The following ACTN4 variants were observed in gnomAD, a reference collection of about 807,000 sequenced individuals.
The protein encoded by ACTN4 is alpha-actinin-4.
Under a neutral mutation model 114.2 loss-of-function variants are expected in ACTN4, and 18 were observed. The ratio of observed to expected loss-of-function variants is 0.16; its 90% CI spans 0.11 to 0.23. The LOEUF (loss-of-function observed/expected upper bound fraction) is 0.23, where lower values mean the gene tolerates loss of function less well. Among genes scored for constraint, ACTN4 ranks in the 10% least tolerant of loss-of-function variants. ACTN4 has a pLI of 1.00. For missense variants in ACTN4, 722 were observed against 1,262.9 expected, an observed-to-expected ratio of 0.57 and a Z score of 6.49; for synonymous variants, 515 against 506.3, an observed-to-expected ratio of 1.02 and a Z score of -0.23.
intron 1 of ACTN4, among the ~76,000 whole-genome samples, chr19:38,667,586 G>A (rs912764490): frequency 1.3e-5 from 2 of 151,956 alleles, no homozygotes; most frequent in Admixed American, 1.3e-4. Flanking sequence ...GGCTGTTACA[G>A]TATGGAATTT....
intron 1 of ACTN4, among the ~76,000 whole-genome samples, chr19:38,674,628 C>CT (rs1967317449): frequency 6.6e-6 from 1 of 152,160 alleles, no homozygotes; most frequent in Admixed American, 6.5e-5. Context: ...GATGAGAGAA[C>CT]TAAAGTTCAG....
In ACTN4 at chr19:38,724,217, G is replaced by A. The variant is rs759789993; in HGVS notation, c.1753G>A (p.Glu585Lys). ...STLPDADRER[E>K]AILAIHKEAQ... ...CCTGCCGGACGCCGATAGGGAGCGC[G>A]AGGCCATCCTGGCCATCCACAAGGA... is the stretch of plus-strand genomic sequence containing the variant. Residue 585 changes from glutamate to lysine, a missense_variant, in exon 15 of 21, where the codon GAG becomes AAG. Physicochemically the swap from Glu to Lys is moderately conservative, Grantham distance 56 (BLOSUM62 1). This residue lies in a region of ACTN4 where 523 missense variants were observed against 875.9 expected (regional missense o/e 0.60). Coordinates refer to ENST00000252699, the MANE Select transcript of ACTN4 (RefSeq NM_004924.6). The surrounding 1 kb of genome is among the most constrained non-coding windows in gnomAD (Gnocchi z 7.0). 2.0e-5 allele frequency: 32 copies of A among 1,613,748 alleles called. No homozygotes were observed. Among genetic ancestry groups the A allele is most frequent in the Non-Finnish European group, 2.4e-5 (28 of 1,180,044 alleles).
At chr19:38,710,222 A>C (rs760181428) in intron 7 of ACTN4, 35 bp from the exon 8 acceptor site, 203 of 1,612,474 alleles carry the variant, frequency 1.3e-4, no homozygotes, top group Non-Finnish European at 1.7e-4. Context: ...CCCCCGCCCT[A>C]CTCGGGCAGT....
chr19:38,724,117 G>A lies in ACTN4; in HGVS notation c.1692+40G>A. On this transcript the variant is annotated intron_variant, in intron 14 of 20. Transcript: ENST00000252699. The surrounding 1 kb of genome is among the most constrained non-coding windows in gnomAD (Gnocchi z 7.0). ...GCCCCCCATCTTCCCAAGAGCCTCT[G>A]TGGGGCTGGGCCGCCCCCTCACTCC... is the stretch of plus-strand genomic sequence containing the variant. 2.5e-6 allele frequency: 4 copies of A among 1,613,626 alleles called. No homozygotes were observed. The highest frequency in any genetic ancestry group is 3.4e-6 in the Non-Finnish European group (4 of 1,180,000).
intron 6 of ACTN4, 129 bp downstream of exon 6, chr19:38,708,324 C>T: frequency 9.9e-7 from 1 of 1,008,054 alleles, no homozygotes; most frequent in South Asian, 1.3e-5. Flanking sequence ...GATGGGCAGC[C>T]TGGGAGAGCC....
At chr19:38,701,206 G>A in intron 3 of ACTN4, 85 bp downstream of exon 3, 2 of 1,598,184 alleles carry the variant, frequency 1.3e-6, no homozygotes, top group East Asian at 4.5e-5. Context: ...CTGAAGAGAA[G>A]TTTTGTTGGT....
intron 8 of ACTN4, chr19:38,711,281 G>T: frequency 9.7e-7 from 1 of 1,025,734 alleles, no homozygotes; most frequent in African/African-American, 1.7e-5. Context: ...TGCAGATATT[G>T]TGGGCACTCT....
intron 7 of ACTN4, 81 bp downstream of exon 7, chr19:38,709,557 G>A: frequency 8.0e-7 from 1 of 1,257,474 alleles, no homozygotes; most frequent in Non-Finnish European, 1.2e-6. Context: ...GCAAGGGGCT[G>A]TGGGCACATC....
intron 1 of ACTN4, among the ~76,000 whole-genome samples, chr19:38,671,884 A>C (rs899319126): frequency 6.6e-6 from 1 of 152,174 alleles, no homozygotes; most frequent in Non-Finnish European, 1.5e-5. Flanking sequence ...TCCTGGCTCA[A>C]TTGTTTCTCA....
rs766882748 is a variant in ACTN4 at position 38,729,084 on chromosome 19, C to T, written c.2507C>T (p.Ser836Leu). 1 of 1,613,344 alleles carries T rather than the reference C, an allele frequency of 6.2e-7. No individual in the cohort carries two copies. Among genetic ancestry groups the T allele is most frequent in the Non-Finnish European group, 8.5e-7 (1 of 1,179,994 alleles). Residue 836 changes from serine to leucine, a missense_variant, in exon 20 of 21, where the codon TCG (serine) becomes TTG (leucine). This residue lies in a region of ACTN4 where 523 missense variants were observed against 875.9 expected (regional missense o/e 0.60). Coordinates refer to ENST00000252699, the MANE Select transcript of ACTN4 (RefSeq NM_004924.6). Reference sequence around the variant, plus strand: ...TTCCAAGCCTTCATCGACTTCATGTCGCGGGAGACCACCGACACGGACACG... The same window carrying T: ...TTCCAAGCCTTCATCGACTTCATGTTGCGGGAGACCACCGACACGGACACG... ...VTFQAFIDFMSRETTDTDTAD... is the reference protein window; with the variant it reads ...VTFQAFIDFMLRETTDTDTAD...
At chr19:38,672,887 T>A (rs1332613292) in intron 1 of ACTN4, among the ~76,000 whole-genome samples, 1 of 151,624 alleles carries the variant, frequency 6.6e-6, no homozygotes, top group Admixed American at 6.6e-5. Flanking sequence ...TAACCATTTT[T>A]AAGTGATTGA....
At chr19:38,681,839 T>C (rs567313661) in intron 1 of ACTN4, among the ~76,000 whole-genome samples, 1 of 152,220 alleles carries the variant, frequency 6.6e-6, no homozygotes, top group Admixed American at 6.5e-5. Context: ...TTTTTTTTTG[T>C]TTTTTGGGTG....
intron 1 of ACTN4, among the ~76,000 whole-genome samples, chr19:38,689,832 C>T (rs1967865309): frequency 6.6e-6 from 1 of 152,134 alleles, no homozygotes; most frequent in African/African-American, 2.4e-5. Context: ...CGCCACCATG[C>T]CCGGCTACTT....
At chr19:38,679,068 G>A in intron 1 of ACTN4, among the ~76,000 whole-genome samples, 1 of 152,228 alleles carries the variant, frequency 6.6e-6, no homozygotes, top group East Asian at 1.9e-4. Flanking sequence ...GAGCAATCCA[G>A]TCTTTCTCCT....
chr19:38,717,414 TTGA>T lies in ACTN4; in HGVS notation c.1143+101_1143+103del. ...GGCCAGCGTAATCTTTCCTAAGTTGTTGATGTCCTGTGGGACATGGCATGGCCT... is the reference window on the plus strand; with the variant it reads ...GGCCAGCGTAATCTTTCCTAAGTTGTTGTCCTGTGGGACATGGCATGGCCT... On this transcript the variant is annotated intron_variant, in intron 10 of 20. Transcript: ENST00000252699. This position sits in a 1 kb window ranked among gnomAD's most constrained non-coding sequence, Gnocchi z 4.0. The T allele has an allele frequency of 6.8e-7, 1 of 1,481,244 alleles. No homozygotes were observed. The highest frequency in any genetic ancestry group is 9.2e-7 in the Non-Finnish European group (1 of 1,092,680). 91.8% of individuals were successfully genotyped at this position (1,481,244 alleles called of 1,614,324 possible). A position where few individuals can be genotyped will look rare whatever the true frequency, so the allele number is the denominator to read the frequency against.
At chr19:38,684,380 C>G (rs1214308393) in intron 1 of ACTN4, among the ~76,000 whole-genome samples, 1 of 152,158 alleles carries the variant, frequency 6.6e-6, no homozygotes, top group East Asian at 1.9e-4. Flanking sequence ...TCAGGACCAC[C>G]TAGGCCTTTC....
Position 38,668,312 on chromosome 19 carries a change from C to G in ACTN4, c.162+20405C>G, listed in dbSNP as rs1290206939. ...TTAATATTCTTTCTCTTCAATCCAC[C>G]TGACATTTACCCAGATACCATATTA... On this transcript the variant is annotated intron_variant, in intron 1 of 20. Transcript: ENST00000252699. Among the ~76,000 whole-genome samples, 4 of 152,308 alleles carry G rather than the reference C, an allele frequency of 2.6e-5. No individual in the cohort carries two copies. The East Asian group carries it at 7.7e-4, about 29-fold the overall frequency.
chr19:38,712,848 C>T (rs1968704477), intron 8 of ACTN4, among the ~76,000 whole-genome samples: 1 of 152,218 alleles, frequency 6.6e-6, no homozygotes, highest in Non-Finnish European at 1.5e-5. Context: ...GGGCTGAACT[C>T]CAGTCTGGAG....
chr19:38,661,692 G>A (rs949815070), intron 1 of ACTN4, among the ~76,000 whole-genome samples: 4 of 151,998 alleles, frequency 2.6e-5, no homozygotes, highest in African/African-American at 9.7e-5. Context: ...TCACTCTGTT[G>A]CCCAGGCTGG....
Sources: allele counts gnomAD v4.1 joint callset (sites outside exome capture counted in the v4.1 genomes callset), GRCh38; gene constraint gnomAD v4.1.1; regional missense constraint gnomAD v4.1.1; non-coding constraint Gnocchi (gnomAD v3.1); transcripts MANE v1.5; gene names NCBI Gene and HGNC (gene_info 2026-07-23, HGNC 2026-07-21).